Variants in CMBL observed in about 807,000 individuals in gnomAD.
CMBL encodes carboxymethylenebutenolidase homolog (Pseudomonas).
Under a neutral mutation model 28.7 loss-of-function variants are expected in CMBL, and 17 were observed. The observed-to-expected ratio is 0.59, with a 90% CI of 0.41 to 0.89. The LOEUF (loss-of-function observed/expected upper bound fraction) is 0.89. Ranked by LOEUF, CMBL falls within the 40% of genes least tolerant of loss-of-function variation. The pLI is 0.00. For synonymous variants in CMBL, 106 were observed against 101.6 expected (o/e 1.04, Z -0.26); for missense variants, 310 against 298.5 (o/e 1.04, Z -0.28).
chr5:10,304,592 A>C (rs1746965618), intron 1 of CMBL, among the ~76,000 whole-genome samples: 1 of 152,160 alleles, frequency 6.6e-6, no homozygotes, highest in Admixed American at 6.5e-5. Flanking sequence ...CTCTTTTTCC[A>C]AATTTATGAA....
chr5:10,286,481 G>C lies in CMBL; in HGVS notation c.339C>G (p.Ile113Met), dbSNP rs371292499. The part of the protein sequence containing the change: ...AQKIDREISA[I>M]LKYLKQQCHA... ...GACACTGTTGTTTCAGATACTTCAA[G>C]ATAGCACTGATCTCTCTAGAACAGA... The change falls in exon 4 of 6, where the codon ATC (isoleucine) becomes ATG (methionine). Residue 113 changes from isoleucine (I) to methionine (M), a missense_variant. By Grantham distance (10) the Ile-to-Met change is conservative. Coordinates refer to ENST00000296658, the MANE Select transcript of CMBL (RefSeq NM_138809.4). The C allele has an allele frequency of 3.1e-6, 5 of 1,614,062 alleles. No individual in the cohort carries two copies. The highest frequency in any genetic ancestry group is 4.2e-6 in the Non-Finnish European group (5 of 1,179,970).
At chr5:10,303,098 C>T (rs1469324484) in intron 1 of CMBL, among the ~76,000 whole-genome samples, 2 of 152,172 alleles carry the variant, frequency 1.3e-5, no homozygotes, top group Admixed American at 6.6e-5. Flanking sequence ...GATTCCAGGT[C>T]TTTCATTATT....
intron 2 of CMBL, 68 bp downstream of exon 2, chr5:10,290,480 T>A: frequency 7.1e-7 from 1 of 1,405,972 alleles, no homozygotes; most frequent in Non-Finnish European, 1.0e-6. Context: ...TTTTATTTTT[T>A]AAAGGGAACA....
chr5:10,292,680 C>G (rs991958588), intron 1 of CMBL, among the ~76,000 whole-genome samples: 24 of 151,812 alleles, frequency 1.6e-4, no homozygotes, highest in African/African-American at 5.8e-4. Context: ...AAAAGTTAGC[C>G]GGGTGTGGTG....
At position 10,297,121 on chromosome 5, in the gene CMBL, G is replaced by A. The variant is rs1267059367; in HGVS notation, c.-19-6340C>T. Among the ~76,000 whole-genome samples, 11 of 151,360 alleles carry A rather than the reference G, an allele frequency of 7.3e-5. No homozygotes were observed. The East Asian group carries it at 1.2e-3, about 16-fold the overall frequency. ...AACTGCTTGAACCTGGGAAGCGGAG[G>A]TTGCAGTGAACCGAGATCACGCCAT... On this transcript the variant is annotated intron_variant, in intron 1 of 5. Coordinates refer to ENST00000296658, the MANE Select transcript of CMBL (RefSeq NM_138809.4).
rs1288805396 is a variant in CMBL, at chr5:10,279,003, G to C, written c.*1450C>G. On this transcript the variant is annotated 3_prime_UTR_variant, in exon 6 of 6. Transcript: ENST00000296658. ...CTAGAGTTTACAGCCACTCTCTCCT[G>C]AGAAGGACGTCAAGACAAAATTAGG... is the stretch of plus-strand genomic sequence containing the variant. 6.6e-6 allele frequency among the ~76,000 whole-genome samples: 1 copy of C among 152,220 alleles called. No homozygotes were observed. Among genetic ancestry groups the C allele is most frequent in the Admixed American group, 6.5e-5 (1 of 15,282 alleles).
At chr5:10,287,000 C>T (rs552248960) in intron 3 of CMBL, among the ~76,000 whole-genome samples, 71 of 152,348 alleles carry the variant, frequency 4.7e-4, no homozygotes, top group African/African-American at 1.7e-3. Flanking sequence ...AAACTCCCCA[C>T]TCTGCATTGC....
chr5:10,292,842 A>T (rs1459402732), intron 1 of CMBL, among the ~76,000 whole-genome samples: 2 of 151,768 alleles, frequency 1.3e-5, no homozygotes, highest in Non-Finnish European at 2.9e-5. Context: ...AAAAAAAAAA[A>T]AAATTAAGGT....
chr5:10,295,879 G>C (rs1746799939), intron 1 of CMBL, among the ~76,000 whole-genome samples: 1 of 152,214 alleles, frequency 6.6e-6, no homozygotes, highest in African/African-American at 2.4e-5. Flanking sequence ...CATGGTCTTA[G>C]TGCACATTTT....
chr5:10,280,521 G>C lies in CMBL; in HGVS notation c.670C>G (p.Pro224Ala), dbSNP rs759530277. The C allele has an allele frequency of 3.1e-6, 5 of 1,613,852 alleles. No homozygotes were observed. The highest frequency in any genetic ancestry group is 4.2e-6 in the Non-Finnish European group (5 of 1,179,810). ...TCGTCAATGTAGGGCTTGTCTGCAGGTGAGCAATCTTCTCTCTTCCGATGC... is the reference window on the plus strand; with the variant it reads ...TCGTCAATGTAGGGCTTGTCTGCAGCTGAGCAATCTTCTCTCTTCCGATGC... Reference protein sequence around the residue: ...FVHRKREDCSPADKPYIDEAR... With the variant: ...FVHRKREDCSAADKPYIDEAR... The change falls in exon 6 of 6, where the codon CCT becomes GCT. Residue 224 changes from proline (P) to alanine (A), a missense_variant. Transcript: ENST00000296658.
intron 3 of CMBL, among the ~76,000 whole-genome samples, chr5:10,288,153 G>C (rs1309366005): frequency 6.6e-6 from 1 of 152,060 alleles, no homozygotes; most frequent in African/African-American, 2.4e-5. Flanking sequence ...TGTAATCCCA[G>C]CTACTCGGGA....
chr5:10,284,771 T>C (rs925671754), intron 4 of CMBL, among the ~76,000 whole-genome samples: 1 of 152,216 alleles, frequency 6.6e-6, no homozygotes, highest in African/African-American at 2.4e-5. Context: ...CCATTGTAAG[T>C]AGAGGAGCAT....
intron 1 of CMBL, among the ~76,000 whole-genome samples, chr5:10,293,711 T>C (rs1409075267): frequency 1.3e-5 from 2 of 152,228 alleles, no homozygotes; most frequent in Admixed American, 6.5e-5. Flanking sequence ...AGAACCAGAC[T>C]CATGTGTATT....
Position 10,290,554 on chromosome 5 carries a change from C to T in CMBL, c.209G>A (p.Gly70Glu). Residue 70 changes from glycine to glutamate, a missense_variant, in exon 2 of 6, where the codon GGA becomes GAA. Gly to Glu is a moderately conservative substitution (Grantham distance 98). Coordinates refer to ENST00000296658, the MANE Select transcript of CMBL (RefSeq NM_138809.4). Reference sequence around the variant, plus strand: ...AACACAACTTTATACATACGTGTATCCATTTCCTGAGATCATGTCAGCTAT... The same window carrying T: ...AACACAACTTTATACATACGTGTATTCATTTCCTGAGATCATGTCAGCTAT... ...RYIADMISGNGYTTIVPDFFV... is the reference protein window; with the variant it reads ...RYIADMISGNEYTTIVPDFFV... 2 of 1,611,032 alleles carry T rather than the reference C, an allele frequency of 1.2e-6. No homozygotes were observed. Among genetic ancestry groups the T allele is most frequent in the South Asian group, 2.2e-5 (2 of 91,014 alleles).
rs1746432559 is a variant in CMBL at position 10,278,450 on chromosome 5, C to T, written c.*2003G>A. On this transcript the variant is annotated 3_prime_UTR_variant, in exon 6 of 6. Transcript: ENST00000296658. Reference sequence around the variant, plus strand: ...CCTACCCACACCGACCCCTCTCAGTCACAGCGTGAGTCCCCGGGGCTCATG... The same window carrying T: ...CCTACCCACACCGACCCCTCTCAGTTACAGCGTGAGTCCCCGGGGCTCATG... Among the ~76,000 whole-genome samples, 1 of 152,118 alleles carries T rather than the reference C, an allele frequency of 6.6e-6. No individual in the cohort carries two copies. The highest frequency in any genetic ancestry group is 2.1e-4 in the South Asian group (1 of 4,824).
chr5:10,305,519 GGAAAATTACACA>G (rs553573328), intron 1 of CMBL, among the ~76,000 whole-genome samples: 65 of 150,554 alleles, frequency 4.3e-4, no homozygotes, highest in South Asian at 4.2e-3. Context: ...ATGTCCCTCT[GGAAAATTACACA>G]TCAAAACCCA....
intron 1 of CMBL, among the ~76,000 whole-genome samples, chr5:10,294,757 T>C (rs186084674): frequency 6.6e-6 from 1 of 152,330 alleles, no homozygotes; most frequent in East Asian, 1.9e-4. Context: ...AGCCACTCAG[T>C]TCTGCTGACA....
rs188579006 is a variant in CMBL at position 10,295,232 on chromosome 5, C to T, written c.-19-4451G>A. ...CCTAATAGCTAGGATTACAGGTGCC[C>T]GCCACCATGCCTGGTTAATTTTTGT... is the stretch of plus-strand genomic sequence containing the variant. On this transcript the variant is annotated intron_variant, in intron 1 of 5. Transcript: ENST00000296658. Among the ~76,000 whole-genome samples, 42 of 152,140 alleles carry T rather than the reference C, an allele frequency of 2.8e-4. No individual in the cohort carries two copies. In the East Asian group the frequency reaches 7.5e-3, roughly 27 times the overall value.
At chr5:10,300,455 G>C (rs947612412) in intron 1 of CMBL, among the ~76,000 whole-genome samples, 33 of 152,126 alleles carry the variant, frequency 2.2e-4, no homozygotes, top group African/African-American at 8.0e-4. Flanking sequence ...TTCATAAAAA[G>C]AATATTACAC....
Sources: allele counts gnomAD v4.1 joint callset (sites outside exome capture counted in the v4.1 genomes callset), GRCh38; gene constraint gnomAD v4.1.1; transcripts MANE v1.5; gene names NCBI Gene and HGNC (gene_info 2026-07-23, HGNC 2026-07-21).